Variants in GBGT1 observed in about 807,000 individuals in gnomAD.
GBGT1 encodes globoside alpha-1,3-N-acetylgalactosaminyltransferase 1 (FORS blood group), also known as globoside alpha-1,3-N-acetylgalactosaminyltransferase 1.
In GBGT1, 18 loss-of-function variants were observed where a neutral mutation model predicts 20.9. That is an observed-to-expected ratio of 0.86 (90% CI 0.60 to 1.28). GBGT1 has a LOEUF of 1.28. Among genes scored for constraint, GBGT1 ranks in the 50% most tolerant of loss-of-function variants. GBGT1 has a pLI of 0.00. For missense variants in GBGT1, 432 were observed against 455.7 expected (o/e 0.95, Z 0.47); for synonymous variants, 168 against 180.8 (o/e 0.93, Z 0.57).
chr9:133,155,181 C>T lies in GBGT1; in HGVS notation c.356G>A (p.Gly119Glu). 2 of 1,613,794 alleles carry T rather than the reference C, an allele frequency of 1.2e-6. No individual in the cohort carries two copies. The highest frequency in any genetic ancestry group is 1.7e-6 in the Non-Finnish European group (2 of 1,179,742). The change falls in exon 6 of 7, where the codon GGG becomes GAG. Residue 119 changes from glycine to glutamate, a missense_variant. By Grantham distance (98) the Gly-to-Glu change is moderately conservative. Coordinates refer to ENST00000372040, the MANE Select transcript of GBGT1 (RefSeq NM_021996.6). ...CCTTCCCCAGCCCACTACTCACTTC[C>T]CCACGGCAAACACCGTGACCCCAAT... ...LTIGVTVFAV[G>E]KYTHFIQSFL...
Position 133,161,532 on chromosome 9 carries a change from C to T in GBGT1, c.72G>A (p.Trp24Ter), listed in dbSNP as rs1341678383. 2.4e-5 allele frequency: 38 copies of T among 1,602,670 alleles called. No homozygotes were observed. Among genetic ancestry groups the T allele is most frequent in the Non-Finnish European group, 3.2e-5 (38 of 1,174,220 alleles). ...CTGGCAGCCAGTTCTCAAGATACAC[C>T]CTGTGAATAAAAAAAAGAAAAAAAA... is the stretch of plus-strand genomic sequence containing the variant. ...LLAGTSLSVL[W>*]VYLENWLPVS... Residue 24 changes from tryptophan to a stop codon, truncating the protein, a stop_gained and splice_region_variant, in exon 3 of 7, where the codon TGG becomes TGA. Coordinates refer to ENST00000372040, the MANE Select transcript of GBGT1 (RefSeq NM_021996.6). LOFTEE classifies it high-confidence loss of function.
At chr9:133,163,194 AGC>A (rs1833107873) in intron 1 of GBGT1, 1 of 152,334 alleles carries the variant, frequency 6.6e-6, no homozygotes, top group African/African-American at 2.4e-5. Flanking sequence ...ATGCAGTCCC[AGC>A]GCAGGATGCG....
Position 133,153,575 on chromosome 9 carries a change from G to A in GBGT1, c.*2C>T, listed in dbSNP as rs1294338190. On this transcript the variant is annotated 3_prime_UTR_variant, in exon 7 of 7. Transcript: ENST00000372040. ...CATCCATGGCAACCCCCAGCTCCGT[G>A]GTCAGCTCCTCAGGCAGCTGATATC... 1.3e-6 allele frequency: 2 copies of A among 1,524,080 alleles called. No individual in the cohort carries two copies. 94.4% of individuals were successfully genotyped at this position (1,524,080 alleles called of 1,614,324 possible).
At chr9:133,161,411 C>T in intron 3 of GBGT1, 56 bp downstream of exon 3, 1 of 1,101,012 alleles carries the variant, frequency 9.1e-7, no homozygotes, top group Non-Finnish European at 1.3e-6. Flanking sequence ...CTCCTGTCTC[C>T]CCAACTGTGA....
chr9:133,161,964 T>A (rs1334776939), intron 2 of GBGT1, among the ~76,000 whole-genome samples: 1 of 152,110 alleles, frequency 6.6e-6, no homozygotes, highest in East Asian at 1.9e-4. Flanking sequence ...CAAGGCAGAA[T>A]TCAGAAGCCG....
At position 133,153,600 on chromosome 9, in the gene GBGT1, C is replaced by T. The variant is rs1187733729; in HGVS notation, c.1021G>A (p.Asp341Asn). 1.3e-6 allele frequency: 2 copies of T among 1,564,996 alleles called. No individual in the cohort carries two copies. Among genetic ancestry groups the T allele is most frequent in the Non-Finnish European group, 1.7e-6 (2 of 1,154,338 alleles). ...GGTCAGCTCCTCAGGCAGCTGATAT[C>T]CTTGTCCAGTGTAGAAAAGCGGATC... is the stretch of plus-strand genomic sequence containing the variant. ...KLIRFSTLDKDISCLRS is the reference protein window; with the variant it reads ...KLIRFSTLDKNISCLRS The change falls in exon 7 of 7, where the codon GAT becomes AAT. Residue 341 changes from aspartate (D) to asparagine (N), a missense_variant. Coordinates refer to ENST00000372040, the MANE Select transcript of GBGT1 (RefSeq NM_021996.6).
rs187375075 is a variant in GBGT1, at chr9:133,159,037, T to C, written c.137+2430A>G. Among the ~76,000 whole-genome samples, 103 of 152,272 alleles carry C rather than the reference T, an allele frequency of 6.8e-4. 1 individual carries two copies. The highest frequency in any genetic ancestry group is 1.3e-3 in the Non-Finnish European group (87 of 68,024). On this transcript the variant is annotated intron_variant, in intron 3 of 6. Transcript: ENST00000372040. ...GTGCAGTGGTGTGATCTTGGCTCAC[T>C]GTAACCTTAGCCTCCTGGGATCAAG...
intron 3 of GBGT1, among the ~76,000 whole-genome samples, chr9:133,156,355 A>G (rs944666403): frequency 1.3e-5 from 2 of 152,142 alleles, no homozygotes; most frequent in African/African-American, 2.4e-5. Flanking sequence ...TCGTTGTCGG[A>G]AAGAAGATGT....
chr9:133,153,583 C>T lies in GBGT1; in HGVS notation c.1038G>A (p.Arg346=). ...STLDKDISCL[R]S ...GCAACCCCCAGCTCCGTGGTCAGCT[C>T]CTCAGGCAGCTGATATCCTTGTCCA... Residue 346 remains arginine, a synonymous_variant, in exon 7 of 7, where the codon AGG becomes AGA. Coordinates refer to ENST00000372040, the MANE Select transcript of GBGT1 (RefSeq NM_021996.6). 2 of 1,531,606 alleles carry T rather than the reference C, an allele frequency of 1.3e-6. No individual in the cohort carries two copies. Among genetic ancestry groups the T allele is most frequent in the Non-Finnish European group, 1.8e-6 (2 of 1,138,140 alleles). 94.9% of individuals were successfully genotyped at this position (1,531,606 alleles called of 1,614,324 possible). A position where few individuals can be genotyped will look rare whatever the true frequency, so the allele number is the denominator to read the frequency against.
intron 3 of GBGT1, among the ~76,000 whole-genome samples, chr9:133,157,287 C>CAAAAAA (rs71503325): frequency 2.6e-5 from 2 of 77,912 alleles, no homozygotes; most frequent in African/African-American, 4.7e-5. Context: ...GACCCTGTCT[C>CAAAAAA]AAAAAAAAAA....
At chr9:133,162,672 C>G in intron 1 of GBGT1, 140 bp from the exon 2 acceptor site, 1 of 513,898 alleles carries the variant, frequency 1.9e-6, no homozygotes, top group Non-Finnish European at 3.5e-6. Context: ...TCCTGAGTAG[C>G]TGGGATTACA....
chr9:133,159,801 C>T (rs554223577), intron 3 of GBGT1, among the ~76,000 whole-genome samples: 64 of 151,516 alleles, frequency 4.2e-4, no homozygotes, highest in Non-Finnish European at 7.5e-4. Context: ...TATCTCCCTC[C>T]GCCACGCACA....
At chr9:133,163,290 G>A (rs1387163533) in intron 1 of GBGT1, 1 of 152,242 alleles carries the variant, frequency 6.6e-6, no homozygotes, top group East Asian at 1.9e-4. Context: ...GGTTCTCCAC[G>A]GAACGATGGG....
In GBGT1 at chr9:133,158,942, T is replaced by C. The variant is rs77175777; in HGVS notation, c.137+2525A>G. ...TGGAATAATAAAGTTTTTGTCCTTT[T>C]GTGATTAGTAGCTACTTTTTTTTTT... On this transcript the variant is annotated intron_variant, in intron 3 of 6. Transcript: ENST00000372040. 8.3e-4 allele frequency among the ~76,000 whole-genome samples: 126 copies of C among 152,206 alleles called. 1 individual carries two copies. The East Asian group carries it at 0.023, about 28-fold the overall frequency.
intron 2 of GBGT1, 46 bp downstream of exon 2, chr9:133,162,296 C>G: frequency 7.9e-7 from 1 of 1,271,158 alleles, no homozygotes; most frequent in Non-Finnish European, 1.1e-6. Flanking sequence ...CAGGGGGAGT[C>G]CTGGGTGGGG....
At position 133,154,892 on chromosome 9, in the gene GBGT1, G is replaced by A. The variant is rs1194203208; in HGVS notation, c.359+286C>T. On this transcript the variant is annotated intron_variant, in intron 6 of 6. Transcript: ENST00000372040. This position sits in a 1 kb window ranked among gnomAD's most constrained non-coding sequence, Gnocchi z 4.2. ...TGGGAGAGACAAGGGCAGAGGAGGG[G>A]TCTAGATGAAACAGGGAGGGGCAAG... 2.6e-6 allele frequency: 1 copy of A among 387,118 alleles called. No individual in the cohort carries two copies. Among genetic ancestry groups the A allele is most frequent in the South Asian group, 5.6e-5 (1 of 17,894 alleles). The allele number at this position is 387,118 out of a possible 1,614,324, so 24.0% of individuals were successfully genotyped here.
At chr9:133,157,024 C>G (rs1311097456) in intron 3 of GBGT1, among the ~76,000 whole-genome samples, 1 of 152,226 alleles carries the variant, frequency 6.6e-6, no homozygotes, top group Non-Finnish European at 1.5e-5. Context: ...TGGCTCACAC[C>G]TGTAGTCCCA....
intron 3 of GBGT1, chr9:133,159,961 G>A (rs35455235): frequency 6.5e-6 from 1 of 152,890 alleles, no homozygotes; most frequent in African/African-American, 2.4e-5. Context: ...GGAAGACGTA[G>A]GGAAATGAGA....
rs1009391961 is a variant in GBGT1, at chr9:133,153,944, G to A, written c.677C>T (p.Ala226Val). Residue 226 changes from alanine to valine, a missense_variant, in exon 7 of 7, where the codon GCC becomes GTC. Physicochemically the swap from Ala to Val is moderately conservative, Grantham distance 64. Transcript: ENST00000372040. ...GPETLGDLVAAIHPSYYAVPR... is the reference protein window; with the variant it reads ...GPETLGDLVAVIHPSYYAVPR... ...AACGGCGTAGTAGCTTGGGTGAATG[G>A]CAGCCACCAGGTCTCCCAAGGTCTC... 5 of 1,610,324 alleles carry A rather than the reference G, an allele frequency of 3.1e-6. No individual in the cohort carries two copies. Among genetic ancestry groups the A allele is most frequent in the Non-Finnish European group, 1.7e-6 (2 of 1,177,100 alleles).
Sources: gnomAD v4.1 joint callset for allele counts (sites outside exome capture counted in the v4.1 genomes callset) on GRCh38, gnomAD v4.1.1 for gene constraint, Gnocchi (gnomAD v3.1) non-coding constraint, MANE v1.5 for transcripts, NCBI Gene and HGNC (gene_info 2026-07-23, HGNC 2026-07-21) for gene names.